PICALM: variants seen among roughly 807,000 people sequenced by gnomAD.
The protein encoded by PICALM is phosphatidylinositol-binding clathrin assembly protein.
Under a neutral mutation model 80.5 loss-of-function variants are expected in PICALM, and 40 were observed. The observed-to-expected ratio is 0.50, with a 90% CI of 0.39 to 0.65. PICALM has a LOEUF of 0.65. PICALM is among the 30% of genes least tolerant of loss of function. The pLI is 0.00. For synonymous variants in PICALM, 288 were observed against 260.3 expected (o/e 1.11, Z -1.02); for missense variants, 676 against 778.9 (o/e 0.87, Z 1.57).
chr11:85,978,043 C>CA (rs1592468509), intron 17 of PICALM: 2 of 1,601,376 alleles, frequency 1.2e-6, no homozygotes, highest in Non-Finnish European at 8.6e-7. Flanking sequence ...CAATTTATTG[C>CA]AAAAAGGCTC....
At chr11:85,970,404 A>C (rs1449529462) in intron 19 of PICALM, among the ~76,000 whole-genome samples, 1 of 152,254 alleles carries the variant, frequency 6.6e-6, no homozygotes, top group African/African-American at 2.4e-5. Context: ...CATGGAATCG[A>C]AGAACTTGAA....
chr11:86,034,849 C>T (rs1269774310), intron 1 of PICALM, among the ~76,000 whole-genome samples: 1 of 152,150 alleles, frequency 6.6e-6, no homozygotes, highest in African/African-American at 2.4e-5. Flanking sequence ...AACACAAATG[C>T]TCTTTTATTA....
In PICALM at chr11:86,010,977, A is replaced by G; in HGVS notation, c.765+53T>C. The G allele has an allele frequency of 5.3e-6, 4 of 756,554 alleles. No individual in the cohort carries two copies. In the Admixed American group the frequency reaches 9.8e-5, roughly 19 times the overall value. 46.9% of individuals were successfully genotyped at this position (756,554 alleles called of 1,614,324 possible). A position where few individuals can be genotyped will look rare whatever the true frequency, so the allele number is the denominator to read the frequency against. ...ATAGTGAGTGATGACTTCAAAATCC[A>G]TACTTACAGACAAAAAGGCAAGTTA... is the stretch of plus-strand genomic sequence containing the variant. On this transcript the variant is annotated intron_variant, in intron 7 of 19. Transcript: ENST00000393346.
intron 3 of PICALM, among the ~76,000 whole-genome samples, chr11:86,023,972 G>T (rs1024154058): frequency 6.6e-6 from 1 of 152,044 alleles, no homozygotes; most frequent in African/African-American, 2.4e-5. Context: ...AAATATTTAA[G>T]AATAAAAATA....
intron 17 of PICALM, among the ~76,000 whole-genome samples, chr11:85,979,903 A>G (rs1431433498): frequency 6.6e-6 from 1 of 152,224 alleles, no homozygotes; most frequent in African/African-American, 2.4e-5. Context: ...GGTTGGTAAG[A>G]TAGAAACTGG....
chr11:86,001,255 A>G, intron 9 of PICALM, 97 bp from the exon 10 acceptor site: 6 of 1,102,152 alleles, frequency 5.4e-6, no homozygotes, highest in Non-Finnish European at 7.9e-6. Context: ...ATGGATAGGC[A>G]CTATAATTAT....
chr11:85,965,807 G>GTTTTTTTTTTTTT (rs142410273), intron 19 of PICALM, among the ~76,000 whole-genome samples: 3 of 79,256 alleles, frequency 3.8e-5, no homozygotes, highest in African/African-American at 5.8e-5. Flanking sequence ...TACCCATTTT[G>GTTTTTTTTTTTTT]TTTTTTTGTT....
At chr11:85,989,514 C>A (rs1344905626) in intron 13 of PICALM, among the ~76,000 whole-genome samples, 1 of 152,090 alleles carries the variant, frequency 6.6e-6, no homozygotes, top group Admixed American at 6.5e-5. Context: ...ATCTTTGGGG[C>A]TGAGGGGGAG....
chr11:86,057,097 C>T (rs1247472877), intron 1 of PICALM, among the ~76,000 whole-genome samples: 1 of 152,032 alleles, frequency 6.6e-6, no homozygotes, highest in Admixed American at 6.6e-5. Flanking sequence ...GGGATGGTTG[C>T]ACACAACACT....
intron 7 of PICALM, among the ~76,000 whole-genome samples, chr11:86,008,355 C>T (rs1368025303): frequency 6.6e-6 from 1 of 152,174 alleles, no homozygotes; most frequent in Non-Finnish European, 1.5e-5. Context: ...GATATGGTGG[C>T]TCATGTCTGT....
rs76329148 is a variant in PICALM, at chr11:86,029,864, C to T, written c.273+1605G>A. Among the ~76,000 whole-genome samples, 1,225 of 152,278 alleles carry T rather than the reference C, an allele frequency of 8.0e-3. 17 individuals carry two copies. Among genetic ancestry groups the T allele is most frequent in the African/African-American group, 0.028 (1,162 of 41,546 alleles). ...TTTAAGCTAATACAGCCAAACATTT[C>T]TATTAGCTCTATCAACTGGTTATAA... is the stretch of plus-strand genomic sequence containing the variant. On this transcript the variant is annotated intron_variant, in intron 2 of 19. Coordinates refer to ENST00000393346, the MANE Select transcript of PICALM (RefSeq NM_007166.4).
intron 4 of PICALM, among the ~76,000 whole-genome samples, chr11:86,017,283 T>G (rs756666689): frequency 6.6e-6 from 1 of 151,164 alleles, no homozygotes; most frequent in Non-Finnish European, 1.5e-5. Flanking sequence ...AGATTCCAAA[T>G]GAATCCAAGA....
intron 1 of PICALM, among the ~76,000 whole-genome samples, chr11:86,038,806 T>C (rs2095891893): frequency 2.0e-5 from 3 of 151,198 alleles, no homozygotes; most frequent in Admixed American, 6.6e-5. Flanking sequence ...GTCAAAGTCC[T>C]ATCTTAACGT....
At chr11:86,012,180 T>C (rs1007804229) in intron 6 of PICALM, 101 bp downstream of exon 6, 1 of 545,772 alleles carries the variant, frequency 1.8e-6, no homozygotes, top group South Asian at 3.1e-5. Context: ...AATGAATATA[T>C]CATAATAAAT....
intron 1 of PICALM, among the ~76,000 whole-genome samples, chr11:86,032,318 T>C (rs1478906438): frequency 6.6e-6 from 1 of 152,134 alleles, no homozygotes; most frequent in Non-Finnish European, 1.5e-5. Context: ...ATTCGTAAAC[T>C]CAATGAAGAA....
intron 16 of PICALM, among the ~76,000 whole-genome samples, 162 bp downstream of exon 16, chr11:85,981,583 A>G (rs1003421752): frequency 4.6e-5 from 7 of 151,284 alleles, no homozygotes; most frequent in Admixed American, 2.0e-4. Context: ...CTCCAGCCTG[A>G]GCAACAGAGC....
At chr11:86,008,854 G>A (rs1322618874) in intron 7 of PICALM, among the ~76,000 whole-genome samples, 1 of 149,510 alleles carries the variant, frequency 6.7e-6, no homozygotes, top group African/African-American at 2.5e-5. Context: ...TCTCAGGGAG[G>A]CTAAGAGGCG....
Position 86,000,625 on chromosome 11 carries a change from CT to C in PICALM, c.1154+17del. The C allele has an allele frequency of 6.2e-7, 1 of 1,600,936 alleles. No homozygotes were observed. The highest frequency in any genetic ancestry group is 8.5e-7 in the Non-Finnish European group (1 of 1,174,994). ...TTGAACCTACATATTCAAAGGTAAC[CT>C]TAACTTCTACTCCTACCTGTTAGAA... On this transcript the variant is annotated intron_variant, in intron 11 of 19. Coordinates refer to ENST00000393346, the MANE Select transcript of PICALM (RefSeq NM_007166.4).
chr11:86,033,172 T>C (rs927948280), intron 1 of PICALM, among the ~76,000 whole-genome samples: 1 of 152,234 alleles, frequency 6.6e-6, no homozygotes, highest in African/African-American at 2.4e-5. Context: ...AACTGGCCTA[T>C]GGCACTGAAC....
Sources: gnomAD v4.1 joint callset for allele counts (sites outside exome capture counted in the v4.1 genomes callset) on GRCh38, gnomAD v4.1.1 for gene constraint, MANE v1.5 for transcripts, NCBI Gene and HGNC (gene_info 2026-07-23, HGNC 2026-07-21) for gene names.